ASXL1: variants seen among roughly 807,000 people sequenced by gnomAD.
ASXL1 encodes polycomb group protein ASXL1.
In ASXL1, 65 loss-of-function variants were observed where a neutral mutation model predicts 89.1. The ratio of observed to expected loss-of-function variants is 0.73; its 90% confidence interval spans 0.60 to 0.90. The LOEUF is 0.90. Ranked by LOEUF, ASXL1 falls within the 40% of genes least tolerant of loss-of-function variation. ASXL1 has a pLI of 0.00. For missense variants in ASXL1, 1,786 were observed against 1,942.9 expected (o/e 0.92, Z 1.52); for synonymous variants, 739 against 746.9 (o/e 0.99, Z 0.17).
Position 32,436,737 on chromosome 20 carries a change from C to CA in ASXL1, c.4028dup (p.Asn1343LysfsTer28). 5 of 1,614,136 alleles carry CA rather than the reference C, an allele frequency of 3.1e-6. No homozygotes were observed. Among genetic ancestry groups the CA allele is most frequent in the Non-Finnish European group, 4.2e-6 (5 of 1,180,040 alleles). On this transcript the variant is annotated frameshift_variant, in exon 13 of 13. Transcript: ENST00000375687. LOFTEE classifies it high-confidence loss of function. ...CCCAGTGGGAAGTTGGGACCAAGCA[C>CA]AAACTCCATGTCTGGTGGGGTACAG...
chr20:32,392,474 G>A (rs1159903049), intron 4 of ASXL1, among the ~76,000 whole-genome samples: 1 of 149,502 alleles, frequency 6.7e-6, no homozygotes, highest in East Asian at 2.0e-4. Flanking sequence ...TAGAGATGGG[G>A]TTTCACTATG....
At chr20:32,372,249 G>A (rs1652163551) in intron 4 of ASXL1, 1 of 1,307,398 alleles carries the variant, frequency 7.6e-7, no homozygotes, top group Non-Finnish European at 1.0e-6. Context: ...TGTAAGCTTG[G>A]GAGTGGTCTG....
chr20:32,399,192 CAA>C (rs1428433649), intron 4 of ASXL1, among the ~76,000 whole-genome samples: 3 of 150,972 alleles, frequency 2.0e-5, no homozygotes, highest in Non-Finnish European at 1.5e-5. Context: ...GCCTGGGCGA[CAA>C]GAGCAAGACT....
At chr20:32,404,083 C>T (rs1351161073) in intron 4 of ASXL1, among the ~76,000 whole-genome samples, 1 of 152,146 alleles carries the variant, frequency 6.6e-6, no homozygotes, top group Non-Finnish European at 1.5e-5. Context: ...TAACTACAGT[C>T]ACCATACTGT....
At chr20:32,413,749 T>G (rs773109069) in intron 4 of ASXL1, among the ~76,000 whole-genome samples, 2 of 152,234 alleles carry the variant, frequency 1.3e-5, no homozygotes, top group African/African-American at 2.4e-5. Context: ...CCTCGGACTT[T>G]CCTTATATGT....
chr20:32,359,021 G>A (rs1255572970), intron 1 of ASXL1, 189 bp downstream of exon 1: 6 of 644,690 alleles, frequency 9.3e-6, no homozygotes, highest in South Asian at 4.0e-5. Context: ...GGGATGTGGC[G>A]CCTTTTTCCG....
intron 4 of ASXL1, among the ~76,000 whole-genome samples, chr20:32,409,810 T>C (rs1034071468): frequency 2.0e-5 from 3 of 152,236 alleles, no homozygotes; most frequent in African/African-American, 7.2e-5. Flanking sequence ...ATGCCAATTA[T>C]AAAGCAAAAT....
At chr20:32,398,855 C>T (rs2048818516) in intron 4 of ASXL1, among the ~76,000 whole-genome samples, 1 of 151,434 alleles carries the variant, frequency 6.6e-6, no homozygotes, top group Non-Finnish European at 1.5e-5. Context: ...GTGATCCGCC[C>T]GCCTCGGCCT....
At chr20:32,397,140 G>A (rs2048778182) in intron 4 of ASXL1, among the ~76,000 whole-genome samples, 1 of 145,440 alleles carries the variant, frequency 6.9e-6, no homozygotes. Context: ...CGCCTACCAG[G>A]TTCAAGCAGT....
rs1339235379 is a variant in ASXL1, at chr20:32,436,462, A to C, written c.3750A>C (p.Ser1250=). The change falls in exon 13 of 13, where the codon TCA becomes TCC. Residue 1250 remains serine (S), a synonymous_variant. Coordinates refer to ENST00000375687, the MANE Select transcript of ASXL1 (RefSeq NM_015338.6). The part of the protein sequence containing the change: ...CEDQKEVRAM[S]QDSNSNAAPG... ...ATCAGAAGGAAGTCCGTGCTATGTC[A>C]CAGGACAGTAATTCAAATGCTGCTC... 1.9e-5 allele frequency: 30 copies of C among 1,614,056 alleles called. No individual in the cohort carries two copies. The highest frequency in any genetic ancestry group is 2.5e-5 in the Non-Finnish European group (30 of 1,180,054).
rs959295490 is a variant in ASXL1 at position 32,429,857 on chromosome 20, G to A, written c.566-44G>A. 45 of 1,600,172 alleles carry A rather than the reference G, an allele frequency of 2.8e-5. No individual in the cohort carries two copies. Among genetic ancestry groups the A allele is most frequent in the African/African-American group, 2.5e-4 (19 of 74,662 alleles). On this transcript the variant is annotated intron_variant, in intron 7 of 12. Transcript: ENST00000375687. This position sits in a 1 kb window ranked among gnomAD's most constrained non-coding sequence, Gnocchi z 4.9. ...ATGAGCTTGTCTGAGAGCCATGGGC[G>A]CGGCTTGGTGATACTTTTGACCAGT...
intron 4 of ASXL1, among the ~76,000 whole-genome samples, chr20:32,389,751 A>G (rs914675026): frequency 6.6e-6 from 1 of 152,144 alleles, no homozygotes; most frequent in African/African-American, 2.4e-5. Context: ...CTAATTTTGT[A>G]GAGACAGGGT....
At chr20:32,419,356 C>T (rs953925425) in intron 4 of ASXL1, among the ~76,000 whole-genome samples, 6 of 151,960 alleles carry the variant, frequency 3.9e-5, no homozygotes, top group African/African-American at 1.5e-4. Context: ...GTGCGCGTCA[C>T]CATGTGCAGC....
At chr20:32,385,133 TTGAG>T (rs1430973649) in intron 4 of ASXL1, among the ~76,000 whole-genome samples, 2 of 152,194 alleles carry the variant, frequency 1.3e-5, no homozygotes, top group Non-Finnish European at 2.9e-5. Flanking sequence ...AACCTGATGT[TTGAG>T]TGCTAACTGT....
chr20:32,436,390 G>A lies in ASXL1; in HGVS notation c.3678G>A (p.Leu1226=). 1 of 1,613,694 alleles carries A rather than the reference G, an allele frequency of 6.2e-7. No individual in the cohort carries two copies. Among genetic ancestry groups the A allele is most frequent in the Non-Finnish European group, 8.5e-7 (1 of 1,180,036 alleles). The change falls in exon 13 of 13, where the codon CTG becomes CTA. Residue 1226 remains leucine (L), a synonymous_variant. Transcript: ENST00000375687. The part of the protein sequence containing the change: ...VTNPITSSRK[L]EEMDSKEQFS... ...ATCCCATTACATCCTCTAGGAAACT[G>A]GAAGAAATGGATTCCAAAGAGCAGT...
At chr20:32,373,205 C>T (rs143416855) in intron 4 of ASXL1, among the ~76,000 whole-genome samples, 5,355 of 149,084 alleles carry the variant, frequency 0.036, 136 homozygotes, top group Middle Eastern at 0.06. Flanking sequence ...GGCGAAACCC[C>T]GTCTCTACGA....
At chr20:32,426,537 T>G (rs2011292397) in intron 4 of ASXL1, among the ~76,000 whole-genome samples, 2 of 119,850 alleles carry the variant, frequency 1.7e-5, no homozygotes, top group Non-Finnish European at 1.8e-5. Flanking sequence ...TAGAAAACTG[T>G]TTTCTTTTTT....
chr20:32,433,474 A>T lies in ASXL1; in HGVS notation c.1276A>T (p.Lys426Ter). Reference sequence around the variant, plus strand: ...AACCAGAGCCAGAAGGAATCTGTACAAAAAACAGGAGTCAGAACAAGCAGG... The same window carrying T: ...AACCAGAGCCAGAAGGAATCTGTACTAAAAACAGGAGTCAGAACAAGCAGG... ...LRTRARRNLYKKQESEQAGVA... is the reference protein window; with the variant it reads ...LRTRARRNLY Residue 426 changes from lysine (K) to a stop codon, truncating the protein, a stop_gained, in exon 12 of 13, where the codon AAA (lysine) becomes TAA (stop). Transcript: ENST00000375687. LOFTEE classifies it high-confidence loss of function. 6.2e-7 allele frequency: 1 copy of T among 1,614,176 alleles called. No homozygotes were observed. The highest frequency in any genetic ancestry group is 8.5e-7 in the Non-Finnish European group (1 of 1,180,022).
intron 8 of ASXL1, chr20:32,430,334 G>A (rs1386661056): frequency 5.2e-6 from 2 of 387,108 alleles, no homozygotes; most frequent in Non-Finnish European, 9.2e-6. Context: ...AAGTGTTTGA[G>A]TGAGTGAAAA....
Sources: allele counts gnomAD v4.1 joint callset (sites outside exome capture counted in the v4.1 genomes callset), GRCh38; gene constraint gnomAD v4.1.1; non-coding constraint Gnocchi (gnomAD v3.1); transcripts MANE v1.5; gene names NCBI Gene and HGNC (gene_info 2026-07-23, HGNC 2026-07-21).